The following FARS2 variants were observed in gnomAD, a reference collection of about 807,000 sequenced individuals.
FARS2 encodes phenylalanyl-tRNA synthetase 2, mitochondrial.
A neutral mutation model predicts 46.4 loss-of-function variants in FARS2; 40 were observed. The ratio of observed to expected loss-of-function variants is 0.86; its 90% CI spans 0.67 to 1.12. The LOEUF is 1.12. Ranked by LOEUF, FARS2 falls within the 50% of genes most tolerant of loss-of-function variation. The pLI, the probability that FARS2 is intolerant of heterozygous loss-of-function variation, is 0.00. For synonymous variants in FARS2, 234 were observed against 214.9 expected (o/e 1.09, Z -0.78); for missense variants, 513 against 567.9 (o/e 0.90, Z 0.98).
intron 6 of FARS2, among the ~76,000 whole-genome samples, chr6:5,758,336 G>A (rs563169431): frequency 6.6e-6 from 1 of 151,916 alleles, no homozygotes; most frequent in Non-Finnish European, 1.5e-5. Flanking sequence ...ACCAATTTTG[G>A]CTCTAAATGT....
chr6:5,267,521 C>A (rs1477113723), intron 1 of FARS2, among the ~76,000 whole-genome samples: 2 of 151,984 alleles, frequency 1.3e-5, no homozygotes, highest in Non-Finnish European at 2.9e-5. Context: ...GAGGCCCAGG[C>A]AGGTGAATCA....
At position 5,730,516 on chromosome 6, in the gene FARS2, G is replaced by GA. The variant is rs551670416; in HGVS notation, c.1218-40774dup. ...GAAAAAGGATTTTCTAGATTACAAAGAGGTTTTTTTTTTTACAACTAGAAC... is the reference window on the plus strand; with the variant it reads ...GAAAAAGGATTTTCTAGATTACAAAGAAGGTTTTTTTTTTTACAACTAGAAC... On this transcript the variant is annotated intron_variant, in intron 6 of 6. Transcript: ENST00000274680. Among the ~76,000 whole-genome samples, 440 of 146,788 alleles carry GA rather than the reference G, an allele frequency of 3.0e-3. 1 individual carries two copies. Among genetic ancestry groups the GA allele is most frequent in the Non-Finnish European group, 5.1e-3 (338 of 65,770 alleles).
At chr6:5,656,579 C>A (rs1410348812) in intron 6 of FARS2, among the ~76,000 whole-genome samples, 1 of 63,194 alleles carries the variant, frequency 1.6e-5, no homozygotes. Flanking sequence ...GAGACAGAGT[C>A]TCGCTCTGTC....
intron 1 of FARS2, among the ~76,000 whole-genome samples, chr6:5,354,568 C>T (rs1210373310): frequency 2.7e-5 from 4 of 149,408 alleles, no homozygotes; most frequent in African/African-American, 9.9e-5. Flanking sequence ...GGCTGGAGTG[C>T]AGTGGCACGA....
chr6:5,272,759 C>G (rs955077482), intron 1 of FARS2, among the ~76,000 whole-genome samples: 1 of 152,160 alleles, frequency 6.6e-6, no homozygotes, highest in Non-Finnish European at 1.5e-5. Context: ...AGTCTTATCT[C>G]TTCTATCAAG....
intron 1 of FARS2, among the ~76,000 whole-genome samples, chr6:5,302,053 C>T (rs546150492): frequency 1.3e-5 from 2 of 152,246 alleles, no homozygotes; most frequent in African/African-American, 4.8e-5. Context: ...ACCAGTCATG[C>T]CCACCTACCC....
At chr6:5,398,529 C>T (rs556445684) in intron 2 of FARS2, among the ~76,000 whole-genome samples, 2 of 152,264 alleles carry the variant, frequency 1.3e-5, no homozygotes, top group Admixed American at 6.5e-5. Context: ...ACTTTCTCCA[C>T]CCCAGCCCTG....
chr6:5,384,956 G>A (rs1302855354), intron 2 of FARS2, among the ~76,000 whole-genome samples: 2 of 152,186 alleles, frequency 1.3e-5, no homozygotes, highest in Non-Finnish European at 2.9e-5. Flanking sequence ...GCTTTTTGCA[G>A]TATAGGGCTT....
chr6:5,615,007 A>G (rs769783846), intron 6 of FARS2, among the ~76,000 whole-genome samples: 84 of 152,272 alleles, frequency 5.5e-4, no homozygotes, highest in Non-Finnish European at 1.1e-3. Flanking sequence ...CTGATGCCAT[A>G]CTTGATCTTT....
At chr6:5,414,177 G>A (rs956533931) in intron 3 of FARS2, among the ~76,000 whole-genome samples, 1 of 152,158 alleles carries the variant, frequency 6.6e-6, no homozygotes, top group East Asian at 1.9e-4. Flanking sequence ...TTGAGGTCAC[G>A]ATTGATTTCC....
intron 6 of FARS2, among the ~76,000 whole-genome samples, chr6:5,710,934 T>C (rs1759105447): frequency 6.6e-6 from 1 of 152,172 alleles, no homozygotes; most frequent in African/African-American, 2.4e-5. Flanking sequence ...ACTTCAATGG[T>C]GGCGAACAAA....
At chr6:5,558,972 A>T (rs569995360) in intron 5 of FARS2, among the ~76,000 whole-genome samples, 39 of 151,994 alleles carry the variant, frequency 2.6e-4, no homozygotes, top group Non-Finnish European at 5.1e-4. Context: ...ATCTATTTTG[A>T]TTTATTTTTA....
intron 1 of FARS2, among the ~76,000 whole-genome samples, chr6:5,274,929 C>G (rs1581667678): frequency 6.6e-6 from 1 of 152,124 alleles, no homozygotes; most frequent in Admixed American, 6.5e-5. Flanking sequence ...GTTGCCCAGG[C>G]TAGTTTTAAA....
At chr6:5,450,084 A>G (rs1478871319) in intron 4 of FARS2, among the ~76,000 whole-genome samples, 4 of 152,244 alleles carry the variant, frequency 2.6e-5, no homozygotes, top group African/African-American at 9.6e-5. Flanking sequence ...CAATCCGTGT[A>G]GAAGTGAACC....
chr6:5,495,858 A>G (rs1767430817), intron 4 of FARS2, among the ~76,000 whole-genome samples: 1 of 152,210 alleles, frequency 6.6e-6, no homozygotes, highest in Admixed American at 6.5e-5. Context: ...ATAGATTACA[A>G]TTTGTGTATC....
intron 1 of FARS2, among the ~76,000 whole-genome samples, chr6:5,355,740 C>T (rs549000938): frequency 3.3e-5 from 5 of 152,180 alleles, no homozygotes; most frequent in South Asian, 2.1e-4. Flanking sequence ...TGCACACACA[C>T]GGTATAACAT....
chr6:5,411,024 C>A (rs906875968), intron 3 of FARS2, among the ~76,000 whole-genome samples: 2 of 152,078 alleles, frequency 1.3e-5, no homozygotes, highest in Non-Finnish European at 2.9e-5. Flanking sequence ...CAGAAGTTAG[C>A]TTTTGGATAG....
intron 5 of FARS2, among the ~76,000 whole-genome samples, chr6:5,602,473 C>A (rs1160026128): frequency 4.6e-5 from 7 of 151,750 alleles, no homozygotes; most frequent in Admixed American, 4.6e-4. Context: ...ATGGTAAAAC[C>A]CCATCTCTAC....
intron 6 of FARS2, among the ~76,000 whole-genome samples, chr6:5,614,963 T>C (rs1430876312): frequency 6.6e-6 from 1 of 152,214 alleles, no homozygotes; most frequent in Non-Finnish European, 1.5e-5. Context: ...TGCTGCTCGA[T>C]TGTCCTCTCA....
Sources: allele counts gnomAD v4.1 joint callset (sites outside exome capture counted in the v4.1 genomes callset), GRCh38; gene constraint gnomAD v4.1.1; transcripts MANE v1.5; gene names NCBI Gene and HGNC (gene_info 2026-07-23, HGNC 2026-07-21).